FRMPD4: variants seen among roughly 807,000 people sequenced by gnomAD.
FRMPD4 encodes FERM and PDZ domain containing 4, also known as FERM and PDZ domain-containing protein 4.
A neutral mutation model predicts 94.1 loss-of-function variants in FRMPD4; 22 were observed. The ratio of observed to expected loss-of-function variants is 0.23; its 90% CI spans 0.17 to 0.33. FRMPD4 has a LOEUF of 0.33. Among genes scored for constraint, FRMPD4 ranks in the 10% least tolerant of loss-of-function variants. The probability of loss-of-function intolerance (pLI) is 1.00; values close to 1 mark genes in which losing one functional copy is unlikely to be tolerated. For missense variants in FRMPD4, 1,111 were observed against 1,339.9 expected (o/e 0.83, Z 2.67); for synonymous variants, 631 against 548.6 (o/e 1.15, Z -2.10).
intron 2 of FRMPD4, among the ~76,000 whole-genome samples, chrX:12,535,428 T>G (rs960361557): frequency 2.7e-5 from 3 of 111,941 alleles, no homozygotes; most frequent in Admixed American, 1.9e-4. Flanking sequence ...ATCTTTTTGT[T>G]TGTAGACTAG....
chrX:12,597,992 T>G (rs1476489394), intron 2 of FRMPD4, among the ~76,000 whole-genome samples: 1 of 112,687 alleles, frequency 8.9e-6, no homozygotes, highest in African/African-American at 3.2e-5. Context: ...CGGAAAGGAA[T>G]GCTTATTTAA....
chrX:12,082,469 TTC>T (rs1272420042), intron 3 of FRMPD4, among the ~76,000 whole-genome samples: 1 of 112,093 alleles, frequency 8.9e-6, no homozygotes, highest in Non-Finnish European at 1.9e-5. Context: ...CCTGTTTTTG[TTC>T]CCAGTTTTGG....
At chrX:12,410,806 C>T (rs890210872) in intron 1 of FRMPD4, among the ~76,000 whole-genome samples, 3 of 111,661 alleles carry the variant, frequency 2.7e-5, no homozygotes, top group African/African-American at 9.8e-5. Context: ...AGACCCTCTT[C>T]ATCTTATCAC....
intron 3 of FRMPD4, among the ~76,000 whole-genome samples, chrX:11,888,648 C>T (rs776189557): frequency 1.8e-5 from 2 of 111,710 alleles, no homozygotes; most frequent in Admixed American, 9.5e-5. Context: ...CAGGTTGGTT[C>T]CAGACCACTA....
intron 1 of FRMPD4, among the ~76,000 whole-genome samples, chrX:12,161,792 T>A (rs1375632766): frequency 8.9e-6 from 1 of 111,971 alleles, no homozygotes; most frequent in Non-Finnish European, 1.9e-5. Flanking sequence ...TTTTGTTTTT[T>A]TATATATATT....
chrX:11,950,938 A>G (rs1405333422), intron 3 of FRMPD4, among the ~76,000 whole-genome samples: 1 of 109,217 alleles, frequency 9.2e-6, no homozygotes, highest in African/African-American at 3.3e-5. Context: ...ACACACCTAT[A>G]ATCCCAGCTA....
At chrX:12,534,822 C>T (rs1335782554) in intron 2 of FRMPD4, among the ~76,000 whole-genome samples, 1 of 112,139 alleles carries the variant, frequency 8.9e-6, no homozygotes, top group Non-Finnish European at 1.9e-5. Flanking sequence ...AAGGGACTTG[C>T]CTTGTTTCAG....
intron 1 of FRMPD4, among the ~76,000 whole-genome samples, chrX:12,425,213 TTCC>T (rs1172892162): frequency 2.7e-5 from 3 of 112,431 alleles, no homozygotes; most frequent in Non-Finnish European, 5.6e-5. Flanking sequence ...AAGTGCCACC[TTCC>T]TCCTGTTTAG....
At chrX:12,320,136 G>A (rs189914452) in intron 1 of FRMPD4, among the ~76,000 whole-genome samples, 62 of 111,688 alleles carry the variant, frequency 5.6e-4, no homozygotes, top group African/African-American at 1.9e-3. Flanking sequence ...GCTTAATAGA[G>A]TCAGCACATA....
intron 1 of FRMPD4, among the ~76,000 whole-genome samples, chrX:12,480,730 C>T (rs920376799): frequency 8.9e-6 from 1 of 112,089 alleles, no homozygotes; most frequent in South Asian, 3.7e-4. Flanking sequence ...TAACATAGAC[C>T]GTTTGCCTGC....
chrX:12,456,206 A>G (rs2057331854), intron 1 of FRMPD4, among the ~76,000 whole-genome samples: 1 of 111,841 alleles, frequency 8.9e-6, no homozygotes, highest in Non-Finnish European at 1.9e-5. Flanking sequence ...TGAACTCAAA[A>G]ATTACTGGCT....
chrX:12,525,042 T>C (rs1230429176), intron 2 of FRMPD4, among the ~76,000 whole-genome samples: 2 of 111,567 alleles, frequency 1.8e-5, no homozygotes, highest in Non-Finnish European at 3.8e-5. Context: ...CTTCTTCCAA[T>C]GTGACCCAAG....
At chrX:12,037,914 A>G (rs2054728977) in intron 3 of FRMPD4, among the ~76,000 whole-genome samples, 2 of 111,715 alleles carry the variant, frequency 1.8e-5, no homozygotes, top group Non-Finnish European at 3.8e-5. Flanking sequence ...ACATGATCTT[A>G]TTCTTTTCTA....
In FRMPD4 at chrX:11,901,247, C is replaced by T. The variant is rs185633382; in HGVS notation, c.95+23229C>T. Among the ~76,000 whole-genome samples the T allele has an allele frequency of 7.9e-3, 885 of 111,562 alleles. 1 individual carries two copies. Among genetic ancestry groups the T allele is most frequent in the Non-Finnish European group, 0.014 (723 of 53,071 alleles). ...TATGTAGTATTTTATCCTTCACCCC[C>T]TCCCAACCTTCCCCTTCACTGAGTT... On this transcript the variant is annotated intron_variant, in intron 3 of 18. Coordinates refer to the FRMPD4 transcript ENST00000640291.
At chrX:12,163,462 TAA>T (rs201319402) in intron 1 of FRMPD4, among the ~76,000 whole-genome samples, 3 of 67,641 alleles carry the variant, frequency 4.4e-5, no homozygotes, top group Non-Finnish European at 5.7e-5. Context: ...TGACCCTTTG[TAA>T]AAAAAAAAAA....
intron 2 of FRMPD4, among the ~76,000 whole-genome samples, chrX:12,529,978 T>C (rs1337109155): frequency 9.0e-6 from 1 of 110,930 alleles, no homozygotes; most frequent in African/African-American, 3.3e-5. Flanking sequence ...CTATGAGAGT[T>C]GAGCCCTTTT....
intron 3 of FRMPD4, among the ~76,000 whole-genome samples, chrX:12,037,844 G>T (rs930195054): frequency 2.7e-5 from 3 of 111,366 alleles, no homozygotes; most frequent in African/African-American, 9.8e-5. Context: ...TTGGTTTTCT[G>T]TTCCTGCATT....
intron 2 of FRMPD4, among the ~76,000 whole-genome samples, chrX:12,558,433 A>G (rs754826946): frequency 1.1e-4 from 12 of 113,090 alleles, no homozygotes; most frequent in African/African-American, 3.8e-4. Context: ...AATGCATGCA[A>G]AAGAAAGTAA....
chrX:12,704,900 G>A (rs1165999605), intron 11 of FRMPD4, among the ~76,000 whole-genome samples: 1 of 112,318 alleles, frequency 8.9e-6, no homozygotes, highest in African/African-American at 3.2e-5. Context: ...AATTAAACCA[G>A]GGATCCTCAA....
Sources: allele counts gnomAD v4.1 joint callset (sites outside exome capture counted in the v4.1 genomes callset), GRCh38; gene constraint gnomAD v4.1.1; transcripts MANE v1.5; gene names NCBI Gene and HGNC (gene_info 2026-07-23, HGNC 2026-07-21).